MYO16: variants seen among roughly 807,000 people sequenced by gnomAD.
MYO16 encodes the protein myosin XVI, also known as unconventional myosin-XVI.
A neutral mutation model predicts 205.3 loss-of-function variants in MYO16; 94 were observed. That is an observed-to-expected ratio of 0.46 (90% CI 0.39 to 0.54). The LOEUF is 0.54. MYO16 is among the 20% of genes least tolerant of loss of function. The pLI is 0.00. For missense variants in MYO16, 2,315 were observed against 2,387.5 expected, an observed-to-expected ratio of 0.97 and a Z score of 0.63; for synonymous variants, 988 against 954.0, an observed-to-expected ratio of 1.04 and a Z score of -0.66.
At chr13:108,613,375 T>C (rs1160813086) in intron 1 of MYO16, among the ~76,000 whole-genome samples, 3 of 152,174 alleles carry the variant, frequency 2.0e-5, no homozygotes, top group Admixed American at 1.3e-4. Context: ...ACTTGTCTCC[T>C]CTTTTTATTT....
chr13:108,825,316 A>G (rs1876191699), intron 9 of MYO16, among the ~76,000 whole-genome samples: 1 of 152,104 alleles, frequency 6.6e-6, no homozygotes, highest in African/African-American at 2.4e-5. Flanking sequence ...ATATATGCAG[A>G]AAAAGCATTT....
chr13:109,069,496 T>A (rs1887858778), intron 27 of MYO16, among the ~76,000 whole-genome samples: 2 of 152,040 alleles, frequency 1.3e-5, no homozygotes, highest in Non-Finnish European at 2.9e-5. Flanking sequence ...TTAAAAAACA[T>A]TCATTTTTTC....
chr13:109,195,362 C>T (rs1233929380), intron 34 of MYO16, among the ~76,000 whole-genome samples: 6 of 152,032 alleles, frequency 3.9e-5, no homozygotes, highest in Admixed American at 3.3e-4. Context: ...TAGGAAGGAC[C>T]AACTCTTTTA....
intron 34 of MYO16, among the ~76,000 whole-genome samples, chr13:109,205,708 T>G (rs749437704): frequency 9.9e-5 from 15 of 152,134 alleles, no homozygotes; most frequent in Non-Finnish European, 1.9e-4. Flanking sequence ...ATAGCCAGCT[T>G]GTCTTGTGCC....
At chr13:108,877,168 CT>C (rs767766304) in intron 12 of MYO16, among the ~76,000 whole-genome samples, 2 of 152,110 alleles carry the variant, frequency 1.3e-5, no homozygotes, top group African/African-American at 2.4e-5. Flanking sequence ...ACAAAGAGTC[CT>C]AAGAATTGTT....
At position 108,964,918 on chromosome 13, in the gene MYO16, T is replaced by A; in HGVS notation, c.2369+16T>A. 2 of 1,613,172 alleles carry A rather than the reference T, an allele frequency of 1.2e-6. No individual in the cohort carries two copies. Among genetic ancestry groups the A allele is most frequent in the Non-Finnish European group, 8.5e-7 (1 of 1,179,578 alleles). On this transcript the variant is annotated intron_variant, in intron 20 of 34. Transcript: ENST00000457511. Reference sequence around the variant, plus strand: ...AACAGAAAAGGTAGGAGTTGATGGATGTTCGGTTCTGTTGTCATTACTGTA... The same window carrying A: ...AACAGAAAAGGTAGGAGTTGATGGAAGTTCGGTTCTGTTGTCATTACTGTA...
At position 108,609,164 on chromosome 13, in the gene MYO16, G is replaced by T. The variant is rs545405237; in HGVS notation, c.-39+12925G>T. On this transcript the variant is annotated intron_variant, in intron 1 of 24. Coordinates refer to the MYO16 transcript ENST00000251041. ...AGCCCAGGAAACGATGGAGTCCCTG[G>T]AAGTTTCCTCCTCATTCTTCTCATG... is the stretch of plus-strand genomic sequence containing the variant. Among the ~76,000 whole-genome samples, 103 of 152,230 alleles carry T rather than the reference G, an allele frequency of 6.8e-4. 1 individual carries two copies. The highest frequency in any genetic ancestry group is 6.6e-3 in the Admixed American group (101 of 15,276).
Position 108,919,947 on chromosome 13 carries a change from G to A in MYO16, c.1925+9797G>A, listed in dbSNP as rs967902933. 3.3e-5 allele frequency among the ~76,000 whole-genome samples: 5 copies of A among 152,210 alleles called. No individual in the cohort carries two copies. In the South Asian group the frequency reaches 1.0e-3, roughly 32 times the overall value. On this transcript the variant is annotated intron_variant, in intron 16 of 34. Transcript: ENST00000457511. ...TCTCTGACTGTGAATATTCATATGG[G>A]GTTCTCCCCAAATTAAAATATTTGA...
At chr13:108,682,483 G>A (rs2139472626) in intron 2 of MYO16, among the ~76,000 whole-genome samples, 1 of 151,986 alleles carries the variant, frequency 6.6e-6, no homozygotes, top group South Asian at 2.1e-4. Context: ...CGGGCACACA[G>A]GCTCAAGCCA....
chr13:108,564,310 AAAGGCGTCCGCCACCAT>A, the MYO16 span, among the ~76,000 whole-genome samples: 2 of 151,934 alleles, frequency 1.3e-5, no homozygotes, highest in Non-Finnish European at 2.9e-5. Context: ...AGCTGGGATT[AAAGGCGTCCGCCACCAT>A]ACCTGGCTAA....
intron 34 of MYO16, among the ~76,000 whole-genome samples, chr13:109,190,365 G>C (rs535797461): frequency 2.6e-5 from 4 of 152,142 alleles, no homozygotes; most frequent in African/African-American, 7.2e-5. Context: ...TCCTAACACT[G>C]AGTATGTCAC....
the MYO16 span, among the ~76,000 whole-genome samples, chr13:108,548,808 T>A: frequency 2.4e-4 from 36 of 152,304 alleles, no homozygotes; most frequent in Admixed American, 1.7e-3. Context: ...TTGCTAAGAA[T>A]TCATTAATTA....
At chr13:108,555,183 A>G in the MYO16 span, among the ~76,000 whole-genome samples, 1 of 152,194 alleles carries the variant, frequency 6.6e-6, no homozygotes, top group Admixed American at 6.5e-5. Context: ...TGGGCAAAGG[A>G]CAGAAAGTAA....
chr13:108,896,689 G>A (rs918227647), intron 14 of MYO16, among the ~76,000 whole-genome samples: 11 of 151,908 alleles, frequency 7.2e-5, no homozygotes, highest in African/African-American at 2.4e-4. Context: ...CAAAGCAGCC[G>A]CGCGTGGTGG....
At chr13:108,979,089 C>G (rs1884368614) in intron 20 of MYO16, among the ~76,000 whole-genome samples, 1 of 151,980 alleles carries the variant, frequency 6.6e-6, no homozygotes, top group Admixed American at 6.6e-5. Context: ...GCTCAAGAAT[C>G]TGCCTATGCA....
chr13:109,132,254 A>G (rs566831413), intron 31 of MYO16, among the ~76,000 whole-genome samples: 1 of 152,288 alleles, frequency 6.6e-6, no homozygotes, highest in Middle Eastern at 3.4e-3. Flanking sequence ...TCACCGTTCT[A>G]TGTTGATGCT....
chr13:108,964,762 G>A lies in MYO16; in HGVS notation c.2229G>A (p.Gly743=). 6.2e-7 allele frequency: 1 copy of A among 1,613,774 alleles called. No individual in the cohort carries two copies. The highest frequency in any genetic ancestry group is 1.6e-4 in the Middle Eastern group (1 of 6,062). Residue 743 remains glycine (G), a splice_region_variant and synonymous_variant, in exon 20 of 35, where the codon GGG becomes GGA. Transcript: ENST00000457511. ...CTCCTTTTCTTTCTACCATTTTAGG[G>A]GATATGATAATACGACGACATACCA... ...ALTTDIQYFK[G]DMIIRRHTIQ... is the part of the protein sequence containing the mutation.
chr13:108,640,939 T>A (rs116559316), intron 1 of MYO16, among the ~76,000 whole-genome samples: 2,511 of 152,288 alleles, frequency 0.016, 62 homozygotes, highest in African/African-American at 0.058. Context: ...TTCTTGGCAG[T>A]ACTATGAAAA....
chr13:109,182,799 A>G (rs1879510114), intron 34 of MYO16, among the ~76,000 whole-genome samples: 1 of 152,256 alleles, frequency 6.6e-6, no homozygotes, highest in African/African-American at 2.4e-5. Context: ...TTGATGTTGT[A>G]CTGCATTATA....
Sources: allele counts gnomAD v4.1 joint callset (sites outside exome capture counted in the v4.1 genomes callset), GRCh38; gene constraint gnomAD v4.1.1; transcripts MANE v1.5; gene names NCBI Gene and HGNC (gene_info 2026-07-23, HGNC 2026-07-21).